The following TTC38 variants were observed in gnomAD, a reference collection of about 807,000 sequenced individuals.
The protein encoded by TTC38 is tetratricopeptide repeat protein 38.
In TTC38, 64 loss-of-function variants were observed where a neutral mutation model predicts 64.2. That is an observed-to-expected ratio of 1.00 (90% CI 0.81 to 1.23). The LOEUF (loss-of-function observed/expected upper bound fraction) is 1.23. Among genes scored for constraint, TTC38 ranks in the 50% most tolerant of loss-of-function variants. TTC38 has a pLI of 0.00. For synonymous variants in TTC38, 254 were observed against 249.3 expected (o/e 1.02, Z -0.18); for missense variants, 573 against 615.5 (o/e 0.93, Z 0.73).
In TTC38 at chr22:46,281,488, C is replaced by A; in HGVS notation, c.616-111C>A. 4.3e-6 allele frequency: 5 copies of A among 1,161,344 alleles called. No individual in the cohort carries two copies. The highest frequency in any genetic ancestry group is 4.9e-6 in the Non-Finnish European group (4 of 817,640). The allele number at this position is 1,161,344 out of a possible 1,614,324, so 71.9% of individuals were successfully genotyped here. ...TCAGAGCCCCGCCCCCCCACTTGCT[C>A]CACCCCGTTCAGCCCAGGCCCCTCT... On this transcript the variant is annotated intron_variant, in intron 6 of 13. Transcript: ENST00000381031. This position sits in a 1 kb window ranked among gnomAD's most constrained non-coding sequence, Gnocchi z 5.2.
intron 12 of TTC38, 22 bp from the exon 13 acceptor site, chr22:46,289,804 A>T: frequency 6.8e-6 from 11 of 1,613,788 alleles, no homozygotes; most frequent in Non-Finnish European, 9.3e-6. Flanking sequence ...CAGGAGACTC[A>T]CATGCCCGAT....
chr22:46,269,081 T>C, intron 2 of TTC38: 1 of 385,240 alleles, frequency 2.6e-6, no homozygotes, highest in East Asian at 8.2e-5. Context: ...GGTGGGGACA[T>C]ATCTCTGCCC....
chr22:46,287,072 G>A lies in TTC38; in HGVS notation c.835-1G>A, dbSNP rs2077576710. ...CCCGCCTTGGCCGCCCTGTCTTCCA[G>A]ATCCTTCCCAGCCTGCAGGCCAACG... On this transcript the variant is annotated splice_acceptor_variant, in intron 9 of 13. Transcript: ENST00000381031. LOFTEE classifies it high-confidence loss of function. The A allele has an allele frequency of 1.3e-6, 2 of 1,597,594 alleles. No homozygotes were observed. Among genetic ancestry groups the A allele is most frequent in the African/African-American group, 1.3e-5 (1 of 74,918 alleles).
At chr22:46,284,915 GAA>G (rs1396212818) in intron 8 of TTC38, among the ~76,000 whole-genome samples, 7 of 148,244 alleles carry the variant, frequency 4.7e-5, no homozygotes, top group Non-Finnish European at 6.0e-5. Context: ...AGAAATACAT[GAA>G]AAAGCTTGCA....
chr22:46,293,149 ATTCTGTTTCC>A lies in TTC38; in HGVS notation c.*266_*275del. ...GCTGCTCTTTCCACCTGCCTTGCAA[ATTCTGTTTCC>A]CAGGGGAATGTGTCTACTGCCTGGT... On this transcript the variant is annotated 3_prime_UTR_variant, in exon 14 of 14. Transcript: ENST00000381031. This position sits in a 1 kb window ranked among gnomAD's most constrained non-coding sequence, Gnocchi z 6.6. 2 of 435,472 alleles carry A rather than the reference ATTCTGTTTCC, an allele frequency of 4.6e-6. No individual in the cohort carries two copies. The highest frequency in any genetic ancestry group is 8.5e-6 in the Non-Finnish European group (2 of 234,232). 27.0% of individuals were successfully genotyped at this position (435,472 alleles called of 1,614,324 possible).
rs996579709 is a variant in TTC38 at position 46,291,510 on chromosome 22, C to T, written c.1317-1281C>T. Among the ~76,000 whole-genome samples, 4 of 152,186 alleles carry T rather than the reference C, an allele frequency of 2.6e-5. No individual in the cohort carries two copies. The highest frequency in any genetic ancestry group is 9.7e-5 in the African/African-American group (4 of 41,436). On this transcript the variant is annotated intron_variant, in intron 13 of 13. Coordinates refer to ENST00000381031, the MANE Select transcript of TTC38 (RefSeq NM_017931.4). This position sits in a 1 kb window ranked among gnomAD's most constrained non-coding sequence, Gnocchi z 4.6. Reference sequence around the variant, plus strand: ...TGGGGCCATCAGCACAGCTCACCAGCCCCCAAGGTGGGAAACCTTCCACCC... The same window carrying T: ...TGGGGCCATCAGCACAGCTCACCAGTCCCCAAGGTGGGAAACCTTCCACCC...
rs1569010835 is a variant in TTC38, at chr22:46,268,514, G to T, written c.34G>T (p.Ala12Ser). ...GCTATTCCCTTCTTGCCGTCTGTAG[G>T]CCTGGAAGGATGCGAGGCTCCCGCT... Reference protein sequence around the residue: ...AAASPLRDCQAWKDARLPLST... With the variant: ...AAASPLRDCQSWKDARLPLST... The change falls in exon 2 of 14, where the codon GCC becomes TCC. Residue 12 changes from alanine to serine, a missense_variant and splice_region_variant. Transcript: ENST00000381031. 1 of 1,614,092 alleles carries T rather than the reference G, an allele frequency of 6.2e-7. No homozygotes were observed.
chr22:46,289,925 C>T, intron 13 of TTC38, 26 bp downstream of exon 13: 5 of 1,606,736 alleles, frequency 3.1e-6, no homozygotes, highest in Non-Finnish European at 4.3e-6. Context: ...CTGCCCAGCA[C>T]TCCCGACCTT....
chr22:46,285,967 A>G (rs958299151), intron 9 of TTC38, among the ~76,000 whole-genome samples: 4 of 144,388 alleles, frequency 2.8e-5, no homozygotes, highest in African/African-American at 1.1e-4. Context: ...GTGAGCCAAG[A>G]TCACGCTACT....
chr22:46,277,897 C>A (rs1250327347), intron 5 of TTC38, among the ~76,000 whole-genome samples: 1 of 152,166 alleles, frequency 6.6e-6, no homozygotes, highest in East Asian at 1.9e-4. Flanking sequence ...GTGGATGTCA[C>A]CATGCAGACA....
Position 46,275,259 on chromosome 22 carries a change from A to G in TTC38, c.377A>G (p.Lys126Arg). Residue 126 changes from lysine (K) to arginine (R), a missense_variant, in exon 5 of 14, where the codon AAA (lysine) becomes AGA (arginine). This residue lies in a region of TTC38 where 68 missense variants were observed against 107.3 expected (regional missense o/e 0.63). Coordinates refer to ENST00000381031, the MANE Select transcript of TTC38 (RefSeq NM_017931.4). This position sits in a 1 kb window ranked among gnomAD's most constrained non-coding sequence, Gnocchi z 4.5. ...VETFANGNFP[K>R]ACELWEQILQ... ...TTCTCGGTTTCCAGGAACTTTCCGA[A>G]AGCCTGTGAACTATGGGAACAGATT... is the stretch of plus-strand genomic sequence containing the variant. 4 of 1,612,624 alleles carry G rather than the reference A, an allele frequency of 2.5e-6. No individual in the cohort carries two copies. Among genetic ancestry groups the G allele is most frequent in the Non-Finnish European group, 2.5e-6 (3 of 1,179,638 alleles).
intron 9 of TTC38, 55 bp from the exon 10 acceptor site, chr22:46,287,018 C>T (rs900503250): frequency 8.1e-5 from 116 of 1,427,596 alleles, no homozygotes; most frequent in Non-Finnish European, 1.0e-4. Context: ...GCTGTGCCTG[C>T]AGCCCCATCA....
At chr22:46,268,275 G>C (rs568068640) in intron 1 of TTC38, among the ~76,000 whole-genome samples, 24 of 152,386 alleles carry the variant, frequency 1.6e-4, no homozygotes, top group African/African-American at 5.3e-4. Flanking sequence ...AGGGACGCCT[G>C]TCAGGGTACT....
intron 2 of TTC38, 164 bp downstream of exon 2, chr22:46,268,755 GC>G: frequency 1.6e-6 from 1 of 643,532 alleles, no homozygotes; most frequent in South Asian, 1.9e-5. Flanking sequence ...CGCTATTTCG[GC>G]TCACTGCAAG....
In TTC38 at chr22:46,275,601, G is replaced by A. The variant is rs1191274011; in HGVS notation, c.539+180G>A. On this transcript the variant is annotated intron_variant, in intron 5 of 13. Transcript: ENST00000381031. The surrounding 1 kb of genome is among the most constrained non-coding windows in gnomAD (Gnocchi z 4.5). ...CTTGATTTTCATCCCACCTGTGAATGAGGTAGTACCATTATGTATCAGTCA... is the reference window on the plus strand; with the variant it reads ...CTTGATTTTCATCCCACCTGTGAATAAGGTAGTACCATTATGTATCAGTCA... 6.6e-6 allele frequency among the ~76,000 whole-genome samples: 1 copy of A among 152,214 alleles called. No individual in the cohort carries two copies. Among genetic ancestry groups the A allele is most frequent in the Non-Finnish European group, 1.5e-5 (1 of 68,042 alleles).
intron 5 of TTC38, 128 bp from the exon 6 acceptor site, chr22:46,278,458 C>T: frequency 1.3e-6 from 1 of 756,164 alleles, no homozygotes. Context: ...CTGCAAAGAC[C>T]CTATTTCCAA....
chr22:46,292,475 A>T lies in TTC38; in HGVS notation c.1317-316A>T. 1 of 400,536 alleles carries T rather than the reference A, an allele frequency of 2.5e-6. No individual in the cohort carries two copies. Among genetic ancestry groups the T allele is most frequent in the Non-Finnish European group, 4.7e-6 (1 of 213,576 alleles). The allele number at this position is 400,536 out of a possible 1,614,324, so 24.8% of individuals were successfully genotyped here. A position where few individuals can be genotyped will look rare whatever the true frequency, so the allele number is the denominator to read the frequency against. ...GCTTCAACATATACATTTAGCCTGG[A>T]CACAGACATTCAGTCCACAGCAGGG... On this transcript the variant is annotated intron_variant, in intron 13 of 13. Transcript: ENST00000381031. The surrounding 1 kb of genome is among the most constrained non-coding windows in gnomAD (Gnocchi z 6.5).
At chr22:46,268,446 G>A in intron 1 of TTC38, 68 bp from the exon 2 acceptor site, 1 of 1,500,810 alleles carries the variant, frequency 6.7e-7, no homozygotes, top group East Asian at 2.3e-5. Flanking sequence ...GCCAGGAGAC[G>A]TGTGTGTGTT....
intron 1 of TTC38, 119 bp downstream of exon 1, chr22:46,268,191 C>A: frequency 3.5e-6 from 4 of 1,134,950 alleles, no homozygotes; most frequent in African/African-American, 1.6e-5. Flanking sequence ...GAGCCCTGGG[C>A]GCACGGGCGC....
Sources: allele counts gnomAD v4.1 joint callset (sites outside exome capture counted in the v4.1 genomes callset), GRCh38; gene constraint gnomAD v4.1.1; regional missense constraint gnomAD v4.1.1; non-coding constraint Gnocchi (gnomAD v3.1); transcripts MANE v1.5; gene names NCBI Gene and HGNC (gene_info 2026-07-23, HGNC 2026-07-21).